NCBP1: variants seen among roughly 807,000 people sequenced by gnomAD.
NCBP1 encodes nuclear cap-binding protein subunit 1.
A neutral mutation model predicts 111.7 loss-of-function variants in NCBP1; 16 were observed. That is an observed-to-expected ratio of 0.14 (90% CI 0.10 to 0.22). The LOEUF (loss-of-function observed/expected upper bound fraction) is 0.22. Ranked by LOEUF, NCBP1 falls within the 10% of genes least tolerant of loss-of-function variation. The pLI, the probability that NCBP1 is intolerant of heterozygous loss-of-function variation, is 1.00. For missense variants in NCBP1, 607 were observed against 957.5 expected, an observed-to-expected ratio of 0.63 and a Z score of 4.83; for synonymous variants, 304 against 314.3, an observed-to-expected ratio of 0.97 and a Z score of 0.35.
At chr9:97,635,498 C>G (rs1289967963) in intron 1 of NCBP1, among the ~76,000 whole-genome samples, 1 of 151,314 alleles carries the variant, frequency 6.6e-6, no homozygotes, top group African/African-American at 2.5e-5. Context: ...GCAACCTCCG[C>G]CTCTCAGGCT....
Position 97,655,717 on chromosome 9 carries a change from T to C in NCBP1, c.1251T>C (p.Phe417=). The C allele has an allele frequency of 1.2e-6, 2 of 1,612,676 alleles. No individual in the cohort carries two copies. Among genetic ancestry groups the C allele is most frequent in the Non-Finnish European group, 1.7e-6 (2 of 1,179,528 alleles). Reference sequence around the variant, plus strand: ...CTCTACGTAGGTTTATTAATTGGTTTTCTCATCATCTAAGTAACTTCCAGT... The same window carrying C: ...CTCTACGTAGGTTTATTAATTGGTTCTCTCATCATCTAAGTAACTTCCAGT... ...TTCVDRFINW[F]SHHLSNFQFR... The change falls in exon 13 of 23, where the codon TTT becomes TTC. Residue 417 remains phenylalanine, a synonymous_variant. Coordinates refer to ENST00000375147, the MANE Select transcript of NCBP1 (RefSeq NM_002486.5).
At chr9:97,639,628 A>G (rs1487424242) in intron 1 of NCBP1, among the ~76,000 whole-genome samples, 1 of 152,164 alleles carries the variant, frequency 6.6e-6, no homozygotes, top group East Asian at 1.9e-4. Flanking sequence ...TTTCTTGTCC[A>G]TATGCCGACC....
intron 21 of NCBP1, among the ~76,000 whole-genome samples, chr9:97,669,290 T>C (rs73500321): frequency 0.095 from 14,405 of 152,194 alleles, 2,344 homozygotes; most frequent in African/African-American, 0.33. Flanking sequence ...ATGAACATTT[T>C]AATGCATAGA....
intron 22 of NCBP1, chr9:97,669,948 C>T (rs918957506): frequency 9.0e-5 from 45 of 497,262 alleles, no homozygotes; most frequent in South Asian, 2.3e-4. Flanking sequence ...TTTGAGATGG[C>T]ATCTCACTCT....
At chr9:97,642,467 G>C (rs1827229041) in intron 3 of NCBP1, among the ~76,000 whole-genome samples, 1 of 152,018 alleles carries the variant, frequency 6.6e-6, no homozygotes, top group South Asian at 2.1e-4. Flanking sequence ...CCCACTTAAT[G>C]ATTATGAATT....
At chr9:97,645,250 T>A in intron 5 of NCBP1, 26 bp downstream of exon 5, 9 of 1,522,910 alleles carry the variant, frequency 5.9e-6, no homozygotes, top group Non-Finnish European at 8.2e-6. Context: ...ATGCTGAATC[T>A]TGAGGGGTTC....
intron 4 of NCBP1, among the ~76,000 whole-genome samples, chr9:97,644,074 A>C (rs767256099): frequency 1.3e-5 from 2 of 152,208 alleles, no homozygotes; most frequent in Non-Finnish European, 2.9e-5. Context: ...TATTTATCTT[A>C]AGTGGAAATG....
chr9:97,648,263 T>A (rs1321190775), intron 8 of NCBP1, 40 bp downstream of exon 8: 1 of 1,578,952 alleles, frequency 6.3e-7, no homozygotes, highest in African/African-American at 1.3e-5. Flanking sequence ...TGACCTGTGT[T>A]GCATTGTGCT....
rs370474265 is a variant in NCBP1, at chr9:97,641,621, T to C, written c.183T>C (p.Leu61=). 1.2e-6 allele frequency: 2 copies of C among 1,609,898 alleles called. No homozygotes were observed. The highest frequency in any genetic ancestry group is 2.7e-5 in the African/African-American group (2 of 74,798). Residue 61 remains leucine, a synonymous_variant, in exon 3 of 23, where the codon CTT becomes CTC. Coordinates refer to ENST00000375147, the MANE Select transcript of NCBP1 (RefSeq NM_002486.5). The part of the protein sequence containing the change: ...EGLAGVLEAD[L]PNYKSKILRL... ...TGGCTGGTGTTTTGGAAGCTGATCTTCCTAACTACAAGAGCAAGATCTTAA... is the reference window on the plus strand; with the variant it reads ...TGGCTGGTGTTTTGGAAGCTGATCTCCCTAACTACAAGAGCAAGATCTTAA...
At chr9:97,634,025 G>T (rs1351473316) in intron 1 of NCBP1, 110 bp downstream of exon 1, 14 of 1,306,894 alleles carry the variant, frequency 1.1e-5, no homozygotes, top group Non-Finnish European at 1.4e-5. Context: ...GGGAACGTGC[G>T]GGGAGCCGCG....
chr9:97,654,752 AT>A, intron 11 of NCBP1, 127 bp from the exon 12 acceptor site: 1 of 831,102 alleles, frequency 1.2e-6, no homozygotes, highest in Non-Finnish European at 1.9e-6. Context: ...AACAAGATTG[AT>A]TGTGTGAAAA....
At chr9:97,644,787 C>A (rs1827288830) in intron 4 of NCBP1, among the ~76,000 whole-genome samples, 1 of 152,166 alleles carries the variant, frequency 6.6e-6, no homozygotes, top group South Asian at 2.1e-4. Context: ...GTTACAACTT[C>A]TCAATTCTGC....
chr9:97,650,337 C>T (rs1827465969), intron 8 of NCBP1, among the ~76,000 whole-genome samples, 166 bp from the exon 9 acceptor site: 1 of 152,168 alleles, frequency 6.6e-6, no homozygotes, highest in Admixed American at 6.5e-5. Context: ...TATAAGTGAA[C>T]ATGACAATGG....
At chr9:97,653,258 C>A (rs548899985) in intron 10 of NCBP1, among the ~76,000 whole-genome samples, 1 of 151,706 alleles carries the variant, frequency 6.6e-6, no homozygotes, top group East Asian at 1.9e-4. Flanking sequence ...GTTGCTGGGA[C>A]TATAGGTGCC....
intron 8 of NCBP1, among the ~76,000 whole-genome samples, chr9:97,648,896 T>A (rs1262677608): frequency 6.6e-6 from 1 of 152,114 alleles, no homozygotes; most frequent in African/African-American, 2.4e-5. Context: ...GAGTTGAGAT[T>A]TCGCCATGTT....
At chr9:97,660,036 T>A (rs911729231) in intron 15 of NCBP1, among the ~76,000 whole-genome samples, 4 of 152,218 alleles carry the variant, frequency 2.6e-5, no homozygotes, top group Non-Finnish European at 4.4e-5. Context: ...TGTAAATATT[T>A]TTTAACCGTT....
intron 2 of NCBP1, 101 bp from the exon 3 acceptor site, chr9:97,641,461 T>C (rs1413053531): frequency 1.3e-5 from 11 of 876,546 alleles, no homozygotes; most frequent in Non-Finnish European, 1.7e-5. Context: ...TTTAAAATGA[T>C]AGATTTTAAA....
intron 22 of NCBP1, among the ~76,000 whole-genome samples, chr9:97,670,555 C>A (rs1054204534): frequency 6.6e-6 from 1 of 152,176 alleles, no homozygotes; most frequent in Non-Finnish European, 1.5e-5. Context: ...ATTCTTTGAG[C>A]CTCCAAATAG....
At chr9:97,641,777 A>G (rs944208630) in intron 3 of NCBP1, 115 bp downstream of exon 3, 29 of 1,121,836 alleles carry the variant, frequency 2.6e-5, no homozygotes, top group South Asian at 2.9e-5. Context: ...CTTTACTTCT[A>G]TGGGGAAATT....
Sources: allele counts gnomAD v4.1 joint callset (sites outside exome capture counted in the v4.1 genomes callset), GRCh38; gene constraint gnomAD v4.1.1; transcripts MANE v1.5; gene names NCBI Gene and HGNC (gene_info 2026-07-23, HGNC 2026-07-21).